Variants in DHX35 observed in about 807,000 individuals in gnomAD.
The protein encoded by DHX35 is probable ATP-dependent RNA helicase DHX35.
Under a neutral mutation model 99.6 loss-of-function variants are expected in DHX35, and 84 were observed. The observed-to-expected ratio is 0.84, with a 90% CI of 0.71 to 1.01. The LOEUF (loss-of-function observed/expected upper bound fraction) is 1.01, where lower values mean the gene tolerates loss of function less well. DHX35 is among the 50% of genes least tolerant of loss of function. The pLI is 0.00. For synonymous variants in DHX35, 331 were observed against 316.2 expected, an observed-to-expected ratio of 1.05 and a Z score of -0.50; for missense variants, 852 against 888.5, an observed-to-expected ratio of 0.96 and a Z score of 0.52.
chr20:38,964,728 C>T (rs2085885947), intron 1 of DHX35, among the ~76,000 whole-genome samples: 1 of 152,170 alleles, frequency 6.6e-6, no homozygotes, highest in African/African-American at 2.4e-5. Context: ...TGGGCCTGGC[C>T]TGACTTCAGT....
chr20:39,033,787 A>C lies in DHX35; in HGVS notation c.1956-419A>C, dbSNP rs6015998. 3.5e-4 allele frequency among the ~76,000 whole-genome samples: 54 copies of C among 152,330 alleles called. 1 individual carries two copies. In the South Asian group the frequency reaches 0.011, roughly 30 times the overall value. Reference sequence around the variant, plus strand: ...TACCCATGTAACCTGGACCCACATAAATTATACAATATTGTTATCATTTTA... The same window carrying C: ...TACCCATGTAACCTGGACCCACATACATTATACAATATTGTTATCATTTTA... On this transcript the variant is annotated intron_variant, in intron 20 of 21. Coordinates refer to ENST00000252011, the MANE Select transcript of DHX35 (RefSeq NM_021931.4).
chr20:38,970,068 T>G (rs542331550), intron 2 of DHX35, among the ~76,000 whole-genome samples: 13 of 152,214 alleles, frequency 8.5e-5, no homozygotes, highest in Admixed American at 3.9e-4. Context: ...TGCTGTGTTC[T>G]ATCTATCTGT....
intron 8 of DHX35, among the ~76,000 whole-genome samples, chr20:39,000,991 T>C (rs528357799): frequency 6.6e-6 from 1 of 152,246 alleles, no homozygotes; most frequent in Non-Finnish European, 1.5e-5. Flanking sequence ...TTGGTGGCGT[T>C]TCCTTCCCCC....
intron 14 of DHX35, among the ~76,000 whole-genome samples, chr20:39,016,700 G>A (rs1015472177): frequency 6.6e-6 from 1 of 152,076 alleles, no homozygotes; most frequent in African/African-American, 2.4e-5. Flanking sequence ...TGTCTTTTGT[G>A]TTATAGCCAT....
rs1210986748 is a variant in DHX35, at chr20:38,965,272, T to G, written c.40+2865T>G. Among the ~76,000 whole-genome samples, 5 of 152,354 alleles carry G rather than the reference T, an allele frequency of 3.3e-5. No homozygotes were observed. The East Asian group carries it at 9.6e-4, about 29-fold the overall frequency. ...CACATCTTATTAAACAGTCACAGTA[T>G]CTCTGTGATGACAGTAATACTCTTA... On this transcript the variant is annotated intron_variant, in intron 1 of 21. Transcript: ENST00000252011.
chr20:39,022,771 T>C (rs2086894777), intron 16 of DHX35, among the ~76,000 whole-genome samples: 1 of 152,230 alleles, frequency 6.6e-6, no homozygotes, highest in Admixed American at 6.5e-5. Flanking sequence ...GGTGCAGGCA[T>C]CAGCAATGAC....
chr20:39,036,477 G>T (rs2087152856), intron 21 of DHX35, among the ~76,000 whole-genome samples: 1 of 152,048 alleles, frequency 6.6e-6, no homozygotes, highest in South Asian at 2.1e-4. Context: ...TGTAATCCCA[G>T]CACTTTGGGA....
chr20:39,027,108 T>G (rs2086969838), intron 18 of DHX35, among the ~76,000 whole-genome samples: 2 of 152,144 alleles, frequency 1.3e-5, no homozygotes, highest in African/African-American at 4.8e-5. Context: ...TCCACCCCTT[T>G]GGAAGTGATA....
intron 11 of DHX35, 124 bp downstream of exon 11, chr20:39,004,031 A>T (rs1412633401): frequency 1.1e-5 from 12 of 1,068,110 alleles, no homozygotes; most frequent in Non-Finnish European, 1.6e-5. Flanking sequence ...TGTGTAGTAG[A>T]TCTAAAAGCA....
chr20:38,971,135 T>C (rs1247637487), intron 2 of DHX35, among the ~76,000 whole-genome samples: 1 of 152,106 alleles, frequency 6.6e-6, no homozygotes, highest in Admixed American at 6.6e-5. Context: ...GGTGGATCAC[T>C]TGAGACAAGG....
chr20:38,988,475 C>G (rs866377697), intron 4 of DHX35, among the ~76,000 whole-genome samples: 14 of 151,960 alleles, frequency 9.2e-5, no homozygotes, highest in African/African-American at 3.4e-4. Flanking sequence ...ACTAAAAATA[C>G]AAAAATTAGC....
At chr20:38,967,592 A>G (rs1175682633) in intron 1 of DHX35, among the ~76,000 whole-genome samples, 1 of 152,156 alleles carries the variant, frequency 6.6e-6, no homozygotes, top group Non-Finnish European at 1.5e-5. Context: ...ATTTAAAGTT[A>G]TGTTTCTCCT....
intron 7 of DHX35, among the ~76,000 whole-genome samples, chr20:38,993,722 G>A (rs973410030): frequency 6.6e-6 from 1 of 151,342 alleles, no homozygotes; most frequent in Non-Finnish European, 1.5e-5. Flanking sequence ...TTTTTCAAGG[G>A]CTCTATAGCC....
chr20:39,010,819 G>C (rs1050894836), intron 13 of DHX35, among the ~76,000 whole-genome samples: 4 of 152,126 alleles, frequency 2.6e-5, no homozygotes, highest in Non-Finnish European at 5.9e-5. Flanking sequence ...CCTTCCTGCA[G>C]CTTTAGATAG....
chr20:39,024,906 T>C (rs1253496011), intron 17 of DHX35, among the ~76,000 whole-genome samples: 1 of 152,180 alleles, frequency 6.6e-6, no homozygotes, highest in East Asian at 1.9e-4. Context: ...AGAAGAAAAG[T>C]TGATTTACAA....
At chr20:39,034,893 C>T (rs2087122983) in intron 21 of DHX35, among the ~76,000 whole-genome samples, 1 of 151,372 alleles carries the variant, frequency 6.6e-6, no homozygotes, top group Non-Finnish European at 1.5e-5. Context: ...GCTGGGATTA[C>T]AGGTATGAGC....
chr20:39,006,181 C>T lies in DHX35; in HGVS notation c.1047C>T (p.Ile349=), dbSNP rs2086613329. 1.2e-6 allele frequency: 2 copies of T among 1,614,080 alleles called. No individual in the cohort carries two copies. Among genetic ancestry groups the T allele is most frequent in the Middle Eastern group, 1.6e-4 (1 of 6,062 alleles). ...CCACCAATGTGGCAGAAACCTCTAT[C>T]ACAATCAGCGGCATTGTGTATGTGA... ...IVATNVAETS[I]TISGIVYVID... The change falls in exon 12 of 22, where the codon ATC becomes ATT. Residue 349 remains isoleucine (I), a synonymous_variant. Transcript: ENST00000252011.
chr20:39,012,642 ATC>A (rs1405651400), intron 13 of DHX35, among the ~76,000 whole-genome samples: 1 of 151,710 alleles, frequency 6.6e-6, no homozygotes, highest in East Asian at 1.9e-4. Context: ...TGATTCTCGT[ATC>A]TCAGCCTCCC....
chr20:38,974,893 G>A (rs1375963797), intron 3 of DHX35, among the ~76,000 whole-genome samples: 2 of 152,178 alleles, frequency 1.3e-5, no homozygotes, highest in East Asian at 1.9e-4. Flanking sequence ...CCAACAGAGC[G>A]GCCAGGGAGC....
Sources: gnomAD v4.1 joint callset for allele counts (sites outside exome capture counted in the v4.1 genomes callset) on GRCh38, gnomAD v4.1.1 for gene constraint, MANE v1.5 for transcripts, NCBI Gene and HGNC (gene_info 2026-07-23, HGNC 2026-07-21) for gene names.